Variants in UBR3 observed in about 807,000 individuals in gnomAD.
The protein encoded by UBR3 is E3 ubiquitin-protein ligase UBR3.
A neutral mutation model predicts 243.2 loss-of-function variants in UBR3; 85 were observed. The observed-to-expected ratio is 0.35, with a 90% CI of 0.29 to 0.42. The LOEUF (loss-of-function observed/expected upper bound fraction) is 0.42. Ranked by LOEUF, UBR3 falls within the 10% of genes least tolerant of loss-of-function variation. The pLI, the probability that UBR3 is intolerant of heterozygous loss-of-function variation, is 1.00. For synonymous variants in UBR3, 748 were observed against 799.8 expected (o/e 0.94, Z 1.09); for missense variants, 1,686 against 2,300.8 (o/e 0.73, Z 5.47).
intron 30 of UBR3, among the ~76,000 whole-genome samples, chr2:170,024,581 CATATA>C (rs2090480014): frequency 6.6e-6 from 1 of 151,818 alleles, no homozygotes; most frequent in Non-Finnish European, 1.5e-5. Flanking sequence ...ATGTGAAACT[CATATA>C]ATAAATTTGG....
intron 1 of UBR3, among the ~76,000 whole-genome samples, chr2:169,866,758 G>T (rs1259339264): frequency 6.6e-6 from 1 of 152,176 alleles, no homozygotes; most frequent in Non-Finnish European, 1.5e-5. Flanking sequence ...GGCAGATGTG[G>T]AAAATAGTAT....
chr2:169,984,435 G>C (rs1485989731), intron 24 of UBR3, among the ~76,000 whole-genome samples: 1 of 152,226 alleles, frequency 6.6e-6, no homozygotes, highest in Non-Finnish European at 1.5e-5. Flanking sequence ...TCTTCCAAGA[G>C]TAACCAGTAT....
At chr2:170,004,498 G>A (rs2089834729) in intron 27 of UBR3, among the ~76,000 whole-genome samples, 1 of 152,154 alleles carries the variant, frequency 6.6e-6, no homozygotes, top group Admixed American at 6.5e-5. Flanking sequence ...GCAGGATGCT[G>A]AAGGAGTTGC....
Position 169,827,678 on chromosome 2 carries a change from G to A in UBR3, c.171G>A (p.Arg57=). The change falls in exon 1 of 39, where the codon CGG becomes CGA. Residue 57 remains arginine (R), a synonymous_variant. Transcript: ENST00000272793. ...GAEELQALLE[R]VLSAERPLAA... is the part of the protein sequence containing the mutation. Reference sequence around the variant, plus strand: ...AGGAGCTGCAGGCGCTGCTGGAGCGGGTGCTGAGCGCCGAGCGGCCGCTGG... The same window carrying A: ...AGGAGCTGCAGGCGCTGCTGGAGCGAGTGCTGAGCGCCGAGCGGCCGCTGG... 8.2e-7 allele frequency: 1 copy of A among 1,215,290 alleles called. No individual in the cohort carries two copies. Among genetic ancestry groups the A allele is most frequent in the South Asian group, 4.0e-5 (1 of 25,112 alleles). 75.3% of individuals were successfully genotyped at this position (1,215,290 alleles called of 1,614,324 possible).
intron 1 of UBR3, among the ~76,000 whole-genome samples, chr2:169,869,651 C>G (rs531777652): frequency 6.6e-6 from 1 of 152,230 alleles, no homozygotes; most frequent in South Asian, 2.1e-4. Flanking sequence ...ATGAAAATTT[C>G]CCCTCAAGCT....
intron 1 of UBR3, among the ~76,000 whole-genome samples, chr2:169,835,757 A>G (rs1252516697): frequency 6.6e-6 from 1 of 152,068 alleles, no homozygotes; most frequent in Non-Finnish European, 1.5e-5. Context: ...TTAAATCATT[A>G]TAAAACTCAG....
At chr2:169,896,785 C>A in intron 8 of UBR3, 50 bp downstream of exon 8, 1 of 1,317,196 alleles carries the variant, frequency 7.6e-7, no homozygotes, top group Non-Finnish European at 1.0e-6. Context: ...TATTATTATT[C>A]TAGTATTATT....
At chr2:170,031,014 CA>C (rs778964865) in intron 31 of UBR3, among the ~76,000 whole-genome samples, 2 of 152,116 alleles carry the variant, frequency 1.3e-5, no homozygotes, top group Non-Finnish European at 2.9e-5. Flanking sequence ...AGGCTGGTCT[CA>C]AACTCCTGGC....
chr2:170,008,935 T>C lies in UBR3; in HGVS notation c.4362T>C (p.Val1454=), dbSNP rs775497130. The stretch of plus-strand genomic sequence containing the variant: ...ATGATTTTCTCTTTATGTACTCTGT[T>C]GCTAGGTAGGTATATATAGTGTATA... ...PDNDFLFMYS[V]ARTNLELELI... is the part of the protein sequence containing the mutation. Residue 1454 remains valine, a synonymous_variant, in exon 29 of 39, where the codon GTT becomes GTC. Transcript: ENST00000272793. 6.3e-7 allele frequency: 1 copy of C among 1,587,798 alleles called. No individual in the cohort carries two copies. The highest frequency in any genetic ancestry group is 1.2e-5 in the South Asian group (1 of 84,756).
rs370197292 is a variant in UBR3, at chr2:170,036,592, A to G, written c.4557-4290A>G. ...TGGGATCCTAAAGTAATGGAAATCT[A>G]TTTGATTTCTAGCAAAGTTAAGTAT... On this transcript the variant is annotated intron_variant, in intron 31 of 38. Coordinates refer to ENST00000272793, the MANE Select transcript of UBR3 (RefSeq NM_172070.4). Among the ~76,000 whole-genome samples, 5 of 152,214 alleles carry G rather than the reference A, an allele frequency of 3.3e-5. No individual in the cohort carries two copies. The East Asian group carries it at 9.6e-4, about 29-fold the overall frequency.
chr2:169,830,643 A>G (rs1318606022), intron 1 of UBR3, among the ~76,000 whole-genome samples: 4 of 126,214 alleles, frequency 3.2e-5, no homozygotes, highest in Non-Finnish European at 7.2e-5. Context: ...TTTCAATTCT[A>G]TGTTTTATCT....
intron 1 of UBR3, among the ~76,000 whole-genome samples, chr2:169,855,584 T>C (rs1345535541): frequency 1.3e-5 from 2 of 152,116 alleles, no homozygotes; most frequent in Non-Finnish European, 2.9e-5. Context: ...AGCATCTGTT[T>C]AACAAAGCAC....
intron 31 of UBR3, 31 bp downstream of exon 31, chr2:170,029,479 A>G (rs1444023435): frequency 6.6e-7 from 1 of 1,522,210 alleles, no homozygotes; most frequent in African/African-American, 1.4e-5. Flanking sequence ...AAAATCAATT[A>G]AAACTCTTTA....
At chr2:169,857,914 T>A (rs1197601634) in intron 1 of UBR3, among the ~76,000 whole-genome samples, 1 of 152,140 alleles carries the variant, frequency 6.6e-6, no homozygotes, top group African/African-American at 2.4e-5. Context: ...CCTAAATTTT[T>A]AAGTTACGTT....
chr2:169,884,598 G>T (rs1180947430), intron 5 of UBR3, among the ~76,000 whole-genome samples: 2 of 152,122 alleles, frequency 1.3e-5, no homozygotes, highest in African/African-American at 4.8e-5. Flanking sequence ...CTCTTTTTGG[G>T]GTTGTGTATC....
In UBR3 at chr2:169,905,899, T is replaced by C. The variant is rs1161012215; in HGVS notation, c.1646-132T>C. 3 of 919,662 alleles carry C rather than the reference T, an allele frequency of 3.3e-6. No individual in the cohort carries two copies. The Admixed American group carries it at 1.2e-4, about 37-fold the overall frequency. 57.0% of individuals were successfully genotyped at this position (919,662 alleles called of 1,614,324 possible). On this transcript the variant is annotated intron_variant, in intron 9 of 38. Transcript: ENST00000272793. Reference sequence around the variant, plus strand: ...TGTTTCATTTTTAGTAATTTACTTATTTCTATATGTACTGTGTCAGTAATG... The same window carrying C: ...TGTTTCATTTTTAGTAATTTACTTACTTCTATATGTACTGTGTCAGTAATG...
chr2:169,960,536 TTCTC>T (rs1040327198), intron 24 of UBR3, among the ~76,000 whole-genome samples: 3 of 152,168 alleles, frequency 2.0e-5, no homozygotes, highest in African/African-American at 4.8e-5. Context: ...TACTTTCCCT[TTCTC>T]TCTCTCTTCT....
At chr2:170,070,235 T>C (rs2091668590) in intron 35 of UBR3, among the ~76,000 whole-genome samples, 1 of 152,116 alleles carries the variant, frequency 6.6e-6, no homozygotes, top group Non-Finnish European at 1.5e-5. Context: ...ATTAATTGAA[T>C]AAATGGGGGG....
At chr2:169,891,262 G>T in intron 6 of UBR3, 31 bp downstream of exon 6, 1 of 1,506,588 alleles carries the variant, frequency 6.6e-7, no homozygotes, top group South Asian at 1.2e-5. Flanking sequence ...TTTTTTCCTT[G>T]AATAAAATGC....
Sources: allele counts gnomAD v4.1 joint callset (sites outside exome capture counted in the v4.1 genomes callset), GRCh38; gene constraint gnomAD v4.1.1; transcripts MANE v1.5; gene names NCBI Gene and HGNC (gene_info 2026-07-23, HGNC 2026-07-21).